The following TP53INP1 variants were observed in gnomAD, a reference collection of about 807,000 sequenced individuals.
TP53INP1 encodes tumor protein p53 inducible nuclear protein 1.
In TP53INP1, 12 loss-of-function variants were observed where a neutral mutation model predicts 21.0. The observed-to-expected ratio is 0.57, with a 90% CI of 0.37 to 0.93. TP53INP1 has a LOEUF of 0.93. Among genes scored for constraint, TP53INP1 ranks in the 40% least tolerant of loss-of-function variants. The pLI, the probability that TP53INP1 is intolerant of heterozygous loss-of-function variation, is 0.01. For missense variants in TP53INP1, 274 were observed against 294.7 expected (o/e 0.93, Z 0.51); for synonymous variants, 91 against 94.8 (o/e 0.96, Z 0.23).
intron 3 of TP53INP1, among the ~76,000 whole-genome samples, chr8:94,934,363 T>A (rs1820758026): frequency 6.6e-6 from 1 of 152,062 alleles, no homozygotes; most frequent in Non-Finnish European, 1.5e-5. Context: ...CCAGTAAGTT[T>A]AAAGTGACTA....
intron 3 of TP53INP1, among the ~76,000 whole-genome samples, chr8:94,934,523 G>A (rs1820774398): frequency 6.6e-6 from 1 of 151,906 alleles, no homozygotes; most frequent in Middle Eastern, 3.4e-3. Context: ...GTAGCTGGGA[G>A]TACAGGCGCC....
At chr8:94,939,139 C>A (rs1393787291) in intron 3 of TP53INP1, among the ~76,000 whole-genome samples, 1 of 152,122 alleles carries the variant, frequency 6.6e-6, no homozygotes, top group Non-Finnish European at 1.5e-5. Flanking sequence ...TTGTTAAATT[C>A]TCAGACAAGG....
At chr8:94,936,559 G>A (rs1182402851) in intron 3 of TP53INP1, among the ~76,000 whole-genome samples, 3 of 152,158 alleles carry the variant, frequency 2.0e-5, no homozygotes, top group Admixed American at 6.5e-5. Flanking sequence ...TTTTCCTAGC[G>A]ATGATGGAAG....
chr8:94,941,167 A>G, intron 1 of TP53INP1, 76 bp from the exon 2 acceptor site: 1 of 426,956 alleles, frequency 2.3e-6, no homozygotes, highest in East Asian at 3.8e-5. Context: ...ACATACACAC[A>G]TACCCTTAGA....
At chr8:94,936,662 G>A (rs1294483465) in intron 3 of TP53INP1, among the ~76,000 whole-genome samples, 1 of 152,106 alleles carries the variant, frequency 6.6e-6, no homozygotes, top group Non-Finnish European at 1.5e-5. Context: ...TTAAAGGGAT[G>A]GCTTCCATAG....
At chr8:94,931,274 CATTT>C (rs1820365511) in intron 3 of TP53INP1, among the ~76,000 whole-genome samples, 1 of 152,122 alleles carries the variant, frequency 6.6e-6, no homozygotes, top group Admixed American at 6.6e-5. Flanking sequence ...AAATTCTACT[CATTT>C]GCCATTTTTC....
chr8:94,949,029 A>T (rs1407593988), intron 1 of TP53INP1, 125 bp downstream of exon 1: 11 of 148,558 alleles, frequency 7.4e-5, no homozygotes, highest in African/African-American at 2.7e-4. Flanking sequence ...TGAACGCGCA[A>T]CCGGCGCCCC....
chr8:94,928,512 G>A lies in TP53INP1; in HGVS notation c.*1967C>T, dbSNP rs879115505. 3.3e-5 allele frequency: 5 copies of A among 152,516 alleles called. No homozygotes were observed. In the South Asian group the frequency reaches 8.3e-4, roughly 25 times the overall value. The allele number at this position is 152,516 out of a possible 1,614,324, so 9.4% of individuals were successfully genotyped here. ...CAACTCTGGTAAACACAAATAGTAA[G>A]AGAAAACAACTTCTAACTCACTTTG... On this transcript the variant is annotated 3_prime_UTR_variant, in exon 4 of 4. Coordinates refer to ENST00000342697, the MANE Select transcript of TP53INP1 (RefSeq NM_033285.4).
At chr8:94,936,116 C>G (rs1341546925) in intron 3 of TP53INP1, among the ~76,000 whole-genome samples, 1 of 152,158 alleles carries the variant, frequency 6.6e-6, no homozygotes, top group Non-Finnish European at 1.5e-5. Context: ...TAGAGAATTT[C>G]CACATGAGAG....
At chr8:94,941,448 C>G (rs1280325588) in intron 1 of TP53INP1, among the ~76,000 whole-genome samples, 2 of 152,142 alleles carry the variant, frequency 1.3e-5, no homozygotes, top group African/African-American at 2.4e-5. Flanking sequence ...TTCAACTGCT[C>G]AGAAGTCCCA....
chr8:94,933,762 CA>C (rs200405745), intron 3 of TP53INP1, among the ~76,000 whole-genome samples: 4 of 118,274 alleles, frequency 3.4e-5, no homozygotes, highest in Non-Finnish European at 3.4e-5. Flanking sequence ...AAGACTCTCT[CA>C]AAAAAAACCC....
rs1459440445 is a variant in TP53INP1 at position 94,926,074 on chromosome 8, A to G, written c.*4405T>C. On this transcript the variant is annotated 3_prime_UTR_variant, in exon 4 of 4. Transcript: ENST00000342697. ...TTACAAAGAACAGGTGTTAACACAC[A>G]ATGTTTAAACAATGCTACACTCATT... 6.6e-6 allele frequency: 1 copy of G among 152,664 alleles called. No individual in the cohort carries two copies. Among genetic ancestry groups the G allele is most frequent in the African/African-American group, 2.4e-5 (1 of 41,464 alleles). 9.5% of individuals were successfully genotyped at this position (152,664 alleles called of 1,614,324 possible).
intron 3 of TP53INP1, 143 bp downstream of exon 3, chr8:94,939,705 TATCTTACGGACC>T: frequency 9.0e-7 from 1 of 1,116,596 alleles, no homozygotes; most frequent in Non-Finnish European, 1.3e-6. Context: ...GTCAACAAGT[TATCTTACGGACC>T]ATCTTGTGTA....
chr8:94,937,314 G>A (rs113079817), intron 3 of TP53INP1, among the ~76,000 whole-genome samples: 84 of 151,900 alleles, frequency 5.5e-4, no homozygotes, highest in African/African-American at 1.8e-3. Flanking sequence ...GGTGGCGGGC[G>A]CCTGTAATCC....
rs1190827349 is a variant in TP53INP1 at position 94,927,262 on chromosome 8, TAA to T, written c.*3215_*3216del. ...CGTTTTTCTTAAGAGTACATAAAGA[TAA>T]TATATAATGTATTTCATTGAGGAGG... On this transcript the variant is annotated 3_prime_UTR_variant, in exon 4 of 4. Transcript: ENST00000342697. 1.3e-5 allele frequency: 2 copies of T among 152,640 alleles called. No homozygotes were observed. Among genetic ancestry groups the T allele is most frequent in the African/African-American group, 4.8e-5 (2 of 41,468 alleles). 9.5% of individuals were successfully genotyped at this position (152,640 alleles called of 1,614,324 possible). A position where few individuals can be genotyped will look rare whatever the true frequency, so the allele number is the denominator to read the frequency against.
chr8:94,948,696 G>A (rs1374858528), intron 1 of TP53INP1, among the ~76,000 whole-genome samples: 7 of 152,186 alleles, frequency 4.6e-5, no homozygotes, highest in African/African-American at 1.4e-4. Flanking sequence ...GGTGGCCGCG[G>A]GAGCCCCGAC....
At position 94,949,284 on chromosome 8, in the gene TP53INP1, C is replaced by G. The variant is rs1426936555; in HGVS notation, c.-281G>C. 2.0e-5 allele frequency: 3 copies of G among 150,786 alleles called. No individual in the cohort carries two copies. Among genetic ancestry groups the G allele is most frequent in the Non-Finnish European group, 4.4e-5 (3 of 67,650 alleles). 9.3% of individuals were successfully genotyped at this position (150,786 alleles called of 1,614,324 possible). ...GGCTGCGCTGCACCTCGTTCAGGTA[C>G]CCAGACGGCAGGCGCGGGGCCGGCT... is the stretch of plus-strand genomic sequence containing the variant. On this transcript the variant is annotated 5_prime_UTR_variant, in exon 1 of 4. Transcript: ENST00000342697.
chr8:94,933,557 G>A (rs1334342186), intron 3 of TP53INP1, among the ~76,000 whole-genome samples: 2 of 152,122 alleles, frequency 1.3e-5, no homozygotes, highest in Admixed American at 6.5e-5. Context: ...CTGAAGTCAG[G>A]AGTTTGAGAC....
intron 3 of TP53INP1, among the ~76,000 whole-genome samples, chr8:94,935,413 A>C (rs895787968): frequency 3.3e-5 from 5 of 152,346 alleles, no homozygotes; most frequent in Non-Finnish European, 5.9e-5. Flanking sequence ...GCAATCTCAG[A>C]TATTTCCTAG....
Sources: gnomAD v4.1 joint callset for allele counts (sites outside exome capture counted in the v4.1 genomes callset) on GRCh38, gnomAD v4.1.1 for gene constraint, MANE v1.5 for transcripts, NCBI Gene and HGNC (gene_info 2026-07-23, HGNC 2026-07-21) for gene names.